Variants in VBP1 observed in about 807,000 individuals in gnomAD.
The protein encoded by VBP1 is VHL binding protein 1, also known as prefoldin subunit 3.
In VBP1, 4 loss-of-function variants were observed where a neutral mutation model predicts 15.5. That is an observed-to-expected ratio of 0.26 (90% confidence interval 0.13 to 0.59). The LOEUF is 0.59. Among genes scored for constraint, VBP1 ranks in the 20% least tolerant of loss-of-function variants. The pLI, the probability that VBP1 is intolerant of heterozygous loss-of-function variation, is 0.90. For missense variants in VBP1, 108 were observed against 139.6 expected, an observed-to-expected ratio of 0.77 and a Z score of 1.14; for synonymous variants, 61 against 52.1, an observed-to-expected ratio of 1.17 and a Z score of -0.74.
chrX:155,203,071 C>T (rs1231285199), intron 1 of VBP1, among the ~76,000 whole-genome samples: 24 of 112,145 alleles, frequency 2.1e-4, no homozygotes, highest in African/African-American at 7.8e-4. Flanking sequence ...TACCGTCTCA[C>T]ACCAGTTAGA....
upstream of VBP1, chrX:155,216,357 G>C: frequency 9.0e-7 from 1 of 1,112,323 alleles, no homozygotes; most frequent in Non-Finnish European, 1.2e-6. Flanking sequence ...ACTTGTGGGG[G>C]ACGCTCCCTG....
intron 2 of VBP1, among the ~76,000 whole-genome samples, chrX:155,224,349 C>T (rs1171038362): frequency 7.1e-5 from 8 of 112,468 alleles, no homozygotes; most frequent in Non-Finnish European, 9.4e-5. Flanking sequence ...TCTGCAATCC[C>T]GGCACCTCGG....
chrX:155,204,015 T>G, intron 1 of VBP1, among the ~76,000 whole-genome samples: 1 of 112,206 alleles, frequency 8.9e-6, no homozygotes, highest in Non-Finnish European at 1.9e-5. Context: ...TTATGCATTA[T>G]GTGTTAGAAA....
chrX:155,204,923 T>C (rs1444945128), intron 1 of VBP1, among the ~76,000 whole-genome samples: 4 of 112,115 alleles, frequency 3.6e-5, no homozygotes, highest in Admixed American at 1.9e-4. Context: ...TTCTAGTCTA[T>C]ATTAATCAGG....
intron 1 of VBP1, among the ~76,000 whole-genome samples, chrX:155,205,829 T>C (rs782341494): frequency 6.3e-5 from 7 of 111,870 alleles, no homozygotes; most frequent in African/African-American, 2.3e-4. Flanking sequence ...ACAACCCATG[T>C]TTGTATTAAA....
chrX:155,209,129 A>G (rs2074636224), intron 2 of VBP1: 1 of 543,344 alleles, frequency 1.8e-6, no homozygotes, highest in Non-Finnish European at 2.9e-6. Context: ...TAACATTTTC[A>G]TCATCATAGA....
At chrX:155,197,575 C>A (rs782071040) in intron 1 of VBP1, among the ~76,000 whole-genome samples, 2 of 112,140 alleles carry the variant, frequency 1.8e-5, no homozygotes, top group Non-Finnish European at 3.8e-5. Flanking sequence ...TAAGAAAAAA[C>A]GCTCTTTTTT....
intron 1 of VBP1, among the ~76,000 whole-genome samples, chrX:155,198,755 C>T (rs781909866): frequency 8.9e-6 from 1 of 112,049 alleles, no homozygotes; most frequent in East Asian, 2.8e-4. Context: ...CAAAGCTGGA[C>T]AGAGAATGAC....
intron 1 of VBP1, 67 bp downstream of exon 1, chrX:155,216,642 C>G: frequency 8.7e-7 from 1 of 1,151,548 alleles, no homozygotes; most frequent in Non-Finnish European, 1.2e-6. Context: ...TTCCCGGCTC[C>G]CACCCAGGCC....
Position 155,219,837 on chromosome X carries a change from C to T in VBP1, c.94-346C>T, listed in dbSNP as rs12689031. On this transcript the variant is annotated intron_variant, in intron 1 of 5. Coordinates refer to ENST00000286428, the MANE Select transcript of VBP1 (RefSeq NM_003372.7). Reference sequence around the variant, plus strand: ...GGTTGAGCATCCTAAATCTGAAAATCTGAAATCCAGAATGCTCTAAAATCC... The same window carrying T: ...GGTTGAGCATCCTAAATCTGAAAATTTGAAATCCAGAATGCTCTAAAATCC... Among the ~76,000 whole-genome samples the T allele has an allele frequency of 5.4e-5, 6 of 111,126 alleles. No individual in the cohort carries two copies. In the East Asian group the frequency reaches 1.7e-3, roughly 31 times the overall value.
intron 2 of VBP1, among the ~76,000 whole-genome samples, chrX:155,221,917 A>C (rs1557309608): frequency 8.9e-6 from 1 of 112,508 alleles, no homozygotes; most frequent in Non-Finnish European, 1.9e-5. Flanking sequence ...GACAGAAGCA[A>C]GATAGAAAAC....
intron 1 of VBP1, among the ~76,000 whole-genome samples, chrX:155,200,702 A>G (rs1227637431): frequency 2.8e-5 from 3 of 106,200 alleles, no homozygotes; most frequent in Non-Finnish European, 5.8e-5. Context: ...TAAAAGAACT[A>G]GAAAAGCAAG....
Position 155,228,425 on chromosome X carries a change from T to A in VBP1, c.327T>A (p.Asp109Glu), listed in dbSNP as rs2074729418. Residue 109 changes from aspartate to glutamate, a missense_variant, in exon 4 of 6, where the codon GAT becomes GAA. Transcript: ENST00000286428. ...NSMETRFLLADNLYCKASVPP... is the reference protein window; with the variant it reads ...NSMETRFLLAENLYCKASVPP... ...TGGAGACCAGATTCTTGCTGGCAGA[T>A]AACCTGTATTGCAAAGCTTCAGTTC... The A allele has an allele frequency of 1.8e-5, 22 of 1,209,965 alleles. No individual in the cohort carries two copies. Among genetic ancestry groups the A allele is most frequent in the Non-Finnish European group, 2.5e-5 (22 of 894,787 alleles).
chrX:155,204,985 G>A (rs1386895387), intron 1 of VBP1, among the ~76,000 whole-genome samples: 1 of 112,051 alleles, frequency 8.9e-6, no homozygotes, highest in Admixed American at 9.5e-5. Flanking sequence ...TCTAATGGGA[G>A]ACATTGTTAA....
chrX:155,234,640 T>C (rs1204591994), intron 4 of VBP1, among the ~76,000 whole-genome samples: 4 of 111,538 alleles, frequency 3.6e-5, no homozygotes, highest in African/African-American at 1.3e-4. Flanking sequence ...TACTGTTTGC[T>C]CTCTCTCTTT....
upstream of VBP1, among the ~76,000 whole-genome samples, chrX:155,215,194 G>A (rs1466437102): frequency 8.9e-6 from 1 of 111,773 alleles, no homozygotes; most frequent in African/African-American, 3.3e-5. Context: ...ATATCTCAAT[G>A]TTTTTCTGTA....
intron 4 of VBP1, among the ~76,000 whole-genome samples, chrX:155,230,897 C>T (rs1012831106): frequency 3.6e-5 from 4 of 111,311 alleles, no homozygotes; most frequent in Admixed American, 9.5e-5. Context: ...AGGTTGATCT[C>T]GAACTCCTGG....
chrX:155,203,444 G>T (rs1489661328), intron 1 of VBP1, among the ~76,000 whole-genome samples: 1 of 110,320 alleles, frequency 9.1e-6, no homozygotes, highest in Non-Finnish European at 1.9e-5. Flanking sequence ...AAAATGATGA[G>T]TTCATGTCCT....
chrX:155,231,524 G>A (rs2074746475), intron 4 of VBP1, among the ~76,000 whole-genome samples: 1 of 112,240 alleles, frequency 8.9e-6, no homozygotes, highest in Non-Finnish European at 1.9e-5. Flanking sequence ...TAAGTGCTCA[G>A]TAAAAATTTT....
Sources: gnomAD v4.1 joint callset for allele counts (sites outside exome capture counted in the v4.1 genomes callset) on GRCh38, gnomAD v4.1.1 for gene constraint, MANE v1.5 for transcripts, NCBI Gene and HGNC (gene_info 2026-07-23, HGNC 2026-07-21) for gene names.